PLG: variants seen among roughly 807,000 people sequenced by gnomAD.
PLG encodes plasminogen.
Under a neutral mutation model 104.4 loss-of-function variants are expected in PLG, and 41 were observed. The ratio of observed to expected loss-of-function variants is 0.39; its 90% CI spans 0.31 to 0.51. The LOEUF (loss-of-function observed/expected upper bound fraction) is 0.51. Ranked by LOEUF, PLG falls within the 20% of genes least tolerant of loss-of-function variation. The pLI is 0.76. For missense variants in PLG, 891 were observed against 1,003.6 expected, an observed-to-expected ratio of 0.89 and a Z score of 1.52; for synonymous variants, 337 against 357.1, an observed-to-expected ratio of 0.94 and a Z score of 0.63.
intron 17 of PLG, among the ~76,000 whole-genome samples, chr6:160,748,362 A>AAGAAAGAGAGAGAGAGAGAGAG (rs1289967086): frequency 3.2e-4 from 12 of 37,108 alleles, no homozygotes; most frequent in African/African-American, 1.0e-3. Context: ...GAAAGAAAGA[A>AAGAAAGAGAGAGAGAGAGAGAG]AGAAAGAAAG....
chr6:160,718,487 A>G lies in PLG; in HGVS notation c.950+31A>G. The G allele has an allele frequency of 3.8e-6, 6 of 1,561,018 alleles. No homozygotes were observed. The East Asian group carries it at 1.3e-4, about 35-fold the overall frequency. On this transcript the variant is annotated intron_variant, in intron 8 of 18. Transcript: ENST00000308192. Reference sequence around the variant, plus strand: ...TCCCCTCCGGTCTCATTCTGCTGCTATGGAATGTGAAATCCCATTGACTTT... The same window carrying G: ...TCCCCTCCGGTCTCATTCTGCTGCTGTGGAATGTGAAATCCCATTGACTTT...
chr6:160,748,623 T>C (rs1050433167), intron 17 of PLG, among the ~76,000 whole-genome samples: 4 of 152,198 alleles, frequency 2.6e-5, no homozygotes, highest in East Asian at 3.9e-4. Flanking sequence ...GATAATAATA[T>C]GGAATAGAGT....
rs972045916 is a variant in PLG, at chr6:160,737,460, A to G, written c.1802+453A>G. On this transcript the variant is annotated intron_variant, in intron 14 of 18. Transcript: ENST00000308192. The surrounding 1 kb of genome is among the most constrained non-coding windows in gnomAD (Gnocchi z 4.7). ...TTCTTTTTCTTTGGACACTTTCGTG[A>G]ATCATTGAATTCAATGCAGAGGCTA... Among the ~76,000 whole-genome samples, 1 of 152,198 alleles carries G rather than the reference A, an allele frequency of 6.6e-6. No individual in the cohort carries two copies. Among genetic ancestry groups the G allele is most frequent in the Non-Finnish European group, 1.5e-5 (1 of 68,046 alleles).
chr6:160,722,543 A>C lies in PLG; in HGVS notation c.1232A>C (p.Lys411Thr), dbSNP rs781542891. The C allele has an allele frequency of 9.9e-6, 16 of 1,614,036 alleles. No individual in the cohort carries two copies. In the South Asian group the frequency reaches 1.8e-4, roughly 18 times the overall value. The change falls in exon 10 of 19, where the codon AAG (lysine) becomes ACG (threonine). Residue 411 changes from lysine to threonine, a missense_variant. Physicochemically the swap from Lys to Thr is moderately conservative, Grantham distance 78. This residue lies in a region of PLG where 854 missense variants were observed against 932.1 expected (regional missense o/e 0.92). Coordinates refer to ENST00000308192, the MANE Select transcript of PLG (RefSeq NM_000301.5). ...TCTATGACACCACACCGGCACCAGA[A>C]GACCCCAGAAAACTACCCAAATGCG... ...WSSMTPHRHQ[K>T]TPENYPNAGL...
intron 8 of PLG, 59 bp from the exon 9 acceptor site, chr6:160,718,634 G>A: frequency 6.4e-7 from 1 of 1,561,136 alleles, no homozygotes; most frequent in Non-Finnish European, 8.8e-7. Context: ...TTCTCAAAGC[G>A]TGGTTCCCTA....
At chr6:160,714,500 G>C (rs1777698169) in intron 5 of PLG, among the ~76,000 whole-genome samples, 1 of 152,192 alleles carries the variant, frequency 6.6e-6, no homozygotes, top group African/African-American at 2.4e-5. Context: ...GTGCATCCCG[G>C]TCTAAGGACA....
At chr6:160,718,495 T>G (rs760500851) in intron 8 of PLG, 39 bp downstream of exon 8, 4 of 1,543,292 alleles carry the variant, frequency 2.6e-6, no homozygotes, top group Non-Finnish European at 3.6e-6. Context: ...CTATGGAATG[T>G]GAAATCCCAT....
intron 1 of PLG, 32 bp downstream of exon 1, chr6:160,702,385 T>A (rs1554248729): frequency 1.4e-6 from 2 of 1,475,746 alleles, no homozygotes; most frequent in African/African-American, 2.8e-5. Flanking sequence ...TTATAAGAAT[T>A]ATTTTTTCTC....
At chr6:160,727,936 A>G (rs1278710442) in intron 10 of PLG, among the ~76,000 whole-genome samples, 1 of 151,956 alleles carries the variant, frequency 6.6e-6, no homozygotes, top group Non-Finnish European at 1.5e-5. Flanking sequence ...CATTGCCATA[A>G]GACCTGAAAA....
In PLG at chr6:160,722,509, T is replaced by A; in HGVS notation, c.1198T>A (p.Ser400Thr). Reference sequence around the variant, plus strand: ...CACCACCACAGGAAAGAAGTGTCAGTCTTGGTCATCTATGACACCACACCG... The same window carrying A: ...CACCACCACAGGAAAGAAGTGTCAGACTTGGTCATCTATGACACCACACCG... ...STTTTGKKCQ[S>T]WSSMTPHRHQ... Residue 400 changes from serine (S) to threonine (T), a missense_variant, in exon 10 of 19, where the codon TCT (serine) becomes ACT (threonine). Around this residue, in one of 2 missense-constraint regions of PLG, gnomAD observed 854 missense variants for 932.1 expected, o/e 0.92. Transcript: ENST00000308192. The A allele has an allele frequency of 6.2e-7, 1 of 1,613,772 alleles. No homozygotes were observed. Among genetic ancestry groups the A allele is most frequent in the Non-Finnish European group, 8.5e-7 (1 of 1,179,720 alleles).
In PLG at chr6:160,734,455, G is replaced by A. The variant is rs988333188; in HGVS notation, c.1681+367G>A. ...TTCCCTTTCCACAGCTGAGAAGTAA[G>A]AAAGAAAATACAAACAGCAGGAAAC... On this transcript the variant is annotated intron_variant, in intron 13 of 18. Transcript: ENST00000308192. This position sits in a 1 kb window ranked among gnomAD's most constrained non-coding sequence, Gnocchi z 4.4. 2.0e-5 allele frequency among the ~76,000 whole-genome samples: 3 copies of A among 152,240 alleles called. No individual in the cohort carries two copies. The East Asian group carries it at 5.8e-4, about 29-fold the overall frequency.
chr6:160,747,915 ATGAGGAGCCTGAGGC>A (rs987993859), intron 17 of PLG, among the ~76,000 whole-genome samples: 26 of 152,290 alleles, frequency 1.7e-4, no homozygotes, highest in African/African-American at 5.8e-4. Flanking sequence ...TAGTTTACAA[ATGAGGAGCCTGAGGC>A]TCAGAGAATG....
chr6:160,709,505 T>C (rs546134689), intron 3 of PLG, among the ~76,000 whole-genome samples: 155 of 152,334 alleles, frequency 1.0e-3, no homozygotes, highest in Non-Finnish European at 1.8e-3. Flanking sequence ...CCCCAGCTGC[T>C]GTTTGCTTGG....
In PLG at chr6:160,717,444, T is replaced by C. The variant is rs1016100055; in HGVS notation, c.787+681T>C. On this transcript the variant is annotated intron_variant, in intron 7 of 18. Transcript: ENST00000308192. ...GAAGTTCCTCAGGCATTCTCCCTTTTTATGAATATTAATTTCTCTTTTTTT... is the reference window on the plus strand; with the variant it reads ...GAAGTTCCTCAGGCATTCTCCCTTTCTATGAATATTAATTTCTCTTTTTTT... Among the ~76,000 whole-genome samples, 6 of 145,318 alleles carry C rather than the reference T, an allele frequency of 4.1e-5. No homozygotes were observed. The East Asian group carries it at 1.2e-3, about 30-fold the overall frequency.
At position 160,719,897 on chromosome 6, in the gene PLG, A is replaced by T. The variant is rs1280640033; in HGVS notation, c.1096+1059A>T. On this transcript the variant is annotated intron_variant, in intron 9 of 18. Coordinates refer to ENST00000308192, the MANE Select transcript of PLG (RefSeq NM_000301.5). The surrounding 1 kb of genome is among the most constrained non-coding windows in gnomAD (Gnocchi z 4.1). The stretch of plus-strand genomic sequence containing the variant: ...GCCCTAATAGTTGTGTTTTAAAGTG[A>T]TCAAGAATAAAACTATTTTAAATAT... Among the ~76,000 whole-genome samples the T allele has an allele frequency of 1.3e-5, 2 of 152,194 alleles. No homozygotes were observed. The highest frequency in any genetic ancestry group is 2.9e-5 in the Non-Finnish European group (2 of 68,032).
In PLG at chr6:160,748,374, A is replaced by AAGAGAGAGAGAGAGAC. The variant is rs1331475547; in HGVS notation, c.2126-3738_2126-3737insGAGAGAGAGAGACAGA. On this transcript the variant is annotated intron_variant, in intron 17 of 18. Coordinates refer to ENST00000308192, the MANE Select transcript of PLG (RefSeq NM_000301.5). ...AGAGAAAGAAAGAAAGAAAGAAAGA[A>AAGAGAGAGAGAGAGAC]AGAAAGAAAGAAAGAAAGAAAGAAA... Among the ~76,000 whole-genome samples, 2 of 55,318 alleles carry AAGAGAGAGAGAGAGAC rather than the reference A, an allele frequency of 3.6e-5. 1 individual carries two copies. Among genetic ancestry groups the AAGAGAGAGAGAGAGAC allele is most frequent in the South Asian group, 1.8e-3 (2 of 1,128 alleles). 36.3% of individuals were successfully genotyped at this position (55,318 alleles called of 152,430 possible). A position where few individuals can be genotyped will look rare whatever the true frequency, so the allele number is the denominator to read the frequency against.
intron 12 of PLG, among the ~76,000 whole-genome samples, chr6:160,733,258 A>G (rs1778028942): frequency 6.6e-6 from 1 of 152,204 alleles, no homozygotes; most frequent in African/African-American, 2.4e-5. Flanking sequence ...AATGCATGGA[A>G]ATAAATGTTT....
rs1582946098 is a variant in PLG at position 160,734,714 on chromosome 6, G to T, written c.1681+626G>T. ...AGGGGAGTTGACATTAGTTCTTAAAGAATTGGAATAACAAATCCATGGGTA... is the reference window on the plus strand; with the variant it reads ...AGGGGAGTTGACATTAGTTCTTAAATAATTGGAATAACAAATCCATGGGTA... On this transcript the variant is annotated intron_variant, in intron 13 of 18. Transcript: ENST00000308192. The surrounding 1 kb of genome is among the most constrained non-coding windows in gnomAD (Gnocchi z 4.4). Among the ~76,000 whole-genome samples the T allele has an allele frequency of 2.9e-5, 3 of 103,988 alleles. No homozygotes were observed. The South Asian group carries it at 9.0e-4, about 31-fold the overall frequency. 68.2% of individuals were successfully genotyped at this position (103,988 alleles called of 152,430 possible).
At chr6:160,718,247 T>C (rs564160332) in intron 7 of PLG, 47 bp from the exon 8 acceptor site, 5 of 1,549,010 alleles carry the variant, frequency 3.2e-6, no homozygotes, top group East Asian at 2.2e-5. Flanking sequence ...CGAGACTCCG[T>C]CTCAAAAAAT....
Sources: gnomAD v4.1 joint callset for allele counts (sites outside exome capture counted in the v4.1 genomes callset) on GRCh38, gnomAD v4.1.1 for gene constraint, gnomAD v4.1.1 regional missense constraint, Gnocchi (gnomAD v3.1) non-coding constraint, MANE v1.5 for transcripts, NCBI Gene and HGNC (gene_info 2026-07-23, HGNC 2026-07-21) for gene names.